The following GLRB variants were observed in gnomAD, a reference collection of about 807,000 sequenced individuals.
GLRB encodes glycine receptor subunit beta.
GLRB carries 33 observed loss-of-function variants against 54.2 expected under a neutral mutation model. The ratio of observed to expected loss-of-function variants is 0.61; its 90% CI spans 0.46 to 0.81. The LOEUF is 0.81. Ranked by LOEUF, GLRB falls within the 40% of genes least tolerant of loss-of-function variation. The probability of loss-of-function intolerance (pLI) is 0.00; values close to 1 mark genes in which losing one functional copy is unlikely to be tolerated. For synonymous variants in GLRB, 209 were observed against 208.2 expected, an observed-to-expected ratio of 1.00 and a Z score of -0.03; for missense variants, 572 against 584.6, an observed-to-expected ratio of 0.98 and a Z score of 0.22.
At chr4:157,076,598 C>G (rs1217781899) in intron 1 of GLRB, 1 of 152,162 alleles carries the variant, frequency 6.6e-6, no homozygotes, top group East Asian at 2.0e-4. Context: ...GGGCTCCTTG[C>G]GTTGTTTTGT....
At chr4:157,161,159 CT>C (rs1295073543) in intron 9 of GLRB, among the ~76,000 whole-genome samples, 1 of 152,044 alleles carries the variant, frequency 6.6e-6, no homozygotes, top group African/African-American at 2.4e-5. Flanking sequence ...GCAACTTCTG[CT>C]TTTTTGGTTT....
chr4:157,127,563 A>G lies in GLRB; in HGVS notation c.297+5166A>G, dbSNP rs575031856. On this transcript the variant is annotated intron_variant, in intron 4 of 9. Transcript: ENST00000264428. ...TTTTATATGTTAAAAAGGACATTTCAGATGTGATTAAATTAAATATTTGGA... is the reference window on the plus strand; with the variant it reads ...TTTTATATGTTAAAAAGGACATTTCGGATGTGATTAAATTAAATATTTGGA... Among the ~76,000 whole-genome samples, 95 of 151,880 alleles carry G rather than the reference A, an allele frequency of 6.3e-4. 1 individual carries two copies. Among genetic ancestry groups the G allele is most frequent in the Non-Finnish European group, 1.1e-3 (75 of 67,890 alleles).
intron 2 of GLRB, among the ~76,000 whole-genome samples, chr4:157,101,396 G>T (rs958527303): frequency 6.6e-6 from 1 of 151,574 alleles, no homozygotes; most frequent in Admixed American, 6.6e-5. Flanking sequence ...TTATTTTCTG[G>T]CAGATACATA....
At chr4:157,123,781 T>C (rs979318713) in intron 4 of GLRB, among the ~76,000 whole-genome samples, 6 of 151,730 alleles carry the variant, frequency 4.0e-5, no homozygotes, top group African/African-American at 1.5e-4. Flanking sequence ...CACCCTGTTC[T>C]GTACCCTGGT....
chr4:157,118,072 T>G (rs944786193), intron 2 of GLRB, among the ~76,000 whole-genome samples: 7 of 151,508 alleles, frequency 4.6e-5, no homozygotes, highest in African/African-American at 1.7e-4. Context: ...AGGACAAAAT[T>G]TGGTAGTGAG....
rs75718387 is a variant in GLRB at position 157,096,575 on chromosome 4, A to G, written c.122+18429A>G. Among the ~76,000 whole-genome samples the G allele has an allele frequency of 7.8e-3, 1,190 of 152,328 alleles. 22 individuals carry two copies. The East Asian group carries it at 0.1, about 13-fold the overall frequency. On this transcript the variant is annotated intron_variant, in intron 2 of 9. Coordinates refer to ENST00000264428, the MANE Select transcript of GLRB (RefSeq NM_000824.5). ...ATCCAGATGCCACCACATTTATATT[A>G]CGAGGTGGCAGTTTATCCCTCAGAA...
At chr4:157,090,991 C>T (rs947460590) in intron 2 of GLRB, among the ~76,000 whole-genome samples, 1 of 151,930 alleles carries the variant, frequency 6.6e-6, no homozygotes, top group Admixed American at 6.6e-5. Context: ...AAATATTTTC[C>T]TAAATATTCA....
At chr4:157,163,803 TCTCC>T (rs1316442269) in intron 9 of GLRB, among the ~76,000 whole-genome samples, 1 of 151,606 alleles carries the variant, frequency 6.6e-6, no homozygotes, top group Non-Finnish European at 1.5e-5. Flanking sequence ...CTTCCTCTTC[TCTCC>T]CTTTTATAGT....
At chr4:157,111,310 CT>C (rs1735410689) in intron 2 of GLRB, among the ~76,000 whole-genome samples, 1 of 151,946 alleles carries the variant, frequency 6.6e-6, no homozygotes, top group Admixed American at 6.6e-5. Context: ...CAAACTGTTA[CT>C]TTTTTCTCTG....
chr4:157,112,295 AC>A (rs879821997), intron 2 of GLRB, among the ~76,000 whole-genome samples: 1 of 151,394 alleles, frequency 6.6e-6, no homozygotes, highest in Non-Finnish European at 1.5e-5. Context: ...ATTTATCTAA[AC>A]TCACAGCTTT....
intron 9 of GLRB, among the ~76,000 whole-genome samples, chr4:157,166,314 A>G (rs1339885609): frequency 6.6e-6 from 1 of 152,070 alleles, no homozygotes; most frequent in African/African-American, 2.4e-5. Flanking sequence ...ATGTGTGTTA[A>G]GTAGGGTTAA....
intron 9 of GLRB, among the ~76,000 whole-genome samples, chr4:157,158,383 G>T (rs544339370): frequency 6.6e-6 from 1 of 152,090 alleles, no homozygotes; most frequent in East Asian, 1.9e-4. Context: ...TGCTTTTGGC[G>T]TTTTAGTCAT....
intron 2 of GLRB, among the ~76,000 whole-genome samples, chr4:157,108,563 A>T (rs1382294659): frequency 6.6e-6 from 1 of 152,128 alleles, no homozygotes; most frequent in Non-Finnish European, 1.5e-5. Flanking sequence ...AATTGTTGCA[A>T]TTTCATGATA....
chr4:157,115,730 T>C (rs547453829), intron 2 of GLRB, among the ~76,000 whole-genome samples: 1 of 151,884 alleles, frequency 6.6e-6, no homozygotes, highest in East Asian at 2.0e-4. Flanking sequence ...ACATCTGTTA[T>C]CTAACAAAGA....
At chr4:157,086,239 T>C (rs573159249) in intron 2 of GLRB, among the ~76,000 whole-genome samples, 2 of 152,354 alleles carry the variant, frequency 1.3e-5, no homozygotes, top group African/African-American at 2.4e-5. Context: ...GCTTAATATA[T>C]CTAGGCTTTA....
chr4:157,128,608 A>G (rs1736102455), intron 4 of GLRB, among the ~76,000 whole-genome samples: 1 of 151,862 alleles, frequency 6.6e-6, no homozygotes, highest in Admixed American at 6.6e-5. Context: ...TTTCCAGCCT[A>G]GTGTGGCACC....
chr4:157,097,827 C>G (rs955931786), intron 2 of GLRB, among the ~76,000 whole-genome samples: 6 of 152,106 alleles, frequency 3.9e-5, no homozygotes, highest in Non-Finnish European at 7.3e-5. Context: ...TCGAGACCAG[C>G]CTGGCCACAA....
intron 9 of GLRB, among the ~76,000 whole-genome samples, chr4:157,155,759 GTC>G (rs1214084608): frequency 2.6e-5 from 4 of 152,132 alleles, no homozygotes. Context: ...ATTATGACAT[GTC>G]TCTGTGTGGA....
chr4:157,128,408 T>C (rs1204656435), intron 4 of GLRB, among the ~76,000 whole-genome samples: 1 of 151,912 alleles, frequency 6.6e-6, no homozygotes, highest in Admixed American at 6.6e-5. Flanking sequence ...AGTTTTGTTT[T>C]CTCTTTCTAG....
Sources: gnomAD v4.1 joint callset for allele counts (sites outside exome capture counted in the v4.1 genomes callset) on GRCh38, gnomAD v4.1.1 for gene constraint, MANE v1.5 for transcripts, NCBI Gene and HGNC (gene_info 2026-07-23, HGNC 2026-07-21) for gene names.